GABRA1: variants seen among roughly 807,000 people sequenced by gnomAD.
GABRA1 encodes the protein gamma-aminobutyric acid type A receptor subunit alpha1.
Under a neutral mutation model 48.9 loss-of-function variants are expected in GABRA1, and 9 were observed. That is an observed-to-expected ratio of 0.18 (90% CI 0.11 to 0.32). The LOEUF is 0.32. Ranked by LOEUF, GABRA1 falls within the 10% of genes least tolerant of loss-of-function variation. The pLI is 1.00. For synonymous variants in GABRA1, 210 were observed against 198.7 expected (o/e 1.06, Z -0.48); for missense variants, 285 against 553.8 (o/e 0.51, Z 4.87).
intron 7 of GABRA1, 61 bp downstream of exon 7, chr5:161,882,762 C>T (rs1313591287): frequency 1.1e-4 from 169 of 1,478,756 alleles, no homozygotes; most frequent in Non-Finnish European, 1.6e-4. Flanking sequence ...TTTGTGAGAA[C>T]TCAATGAATC....
At chr5:161,883,512 TA>T (rs1162029607) in intron 7 of GABRA1, among the ~76,000 whole-genome samples, 1 of 152,248 alleles carries the variant, frequency 6.6e-6, no homozygotes, top group East Asian at 1.9e-4. Flanking sequence ...TAATTATAAA[TA>T]AAAACTGGAC....
At chr5:161,885,682 C>T (rs1214371027) in intron 7 of GABRA1, among the ~76,000 whole-genome samples, 1 of 152,108 alleles carries the variant, frequency 6.6e-6, no homozygotes, top group East Asian at 1.9e-4. Flanking sequence ...ACAATTCCTT[C>T]CTTGGATACT....
Position 161,873,233 on chromosome 5 carries a change from G to A in GABRA1, c.372G>A (p.Pro124=), listed in dbSNP as rs1378731581. 5.6e-6 allele frequency: 9 copies of A among 1,613,698 alleles called. No individual in the cohort carries two copies. The highest frequency in any genetic ancestry group is 5.3e-5 in the African/African-American group (4 of 74,854). ...NNLMASKIWT[P]DTFFHNGKKS... ...TAATGGCAAGTAAAATCTGGACTCC[G>A]GACACATTTTTCCACAATGGAAAGA... Residue 124 remains proline (P), a synonymous_variant, in exon 5 of 10, where the codon CCG becomes CCA. Coordinates refer to ENST00000393943, the MANE Select transcript of GABRA1 (RefSeq NM_001127644.2).
intron 2 of GABRA1, among the ~76,000 whole-genome samples, chr5:161,852,722 G>A (rs1328801494): frequency 6.6e-6 from 1 of 151,870 alleles, no homozygotes; most frequent in East Asian, 1.9e-4. Context: ...GAAATTAGGA[G>A]AATGAAAAAT....
intron 9 of GABRA1, among the ~76,000 whole-genome samples, chr5:161,896,191 A>C (rs1755360663): frequency 6.6e-6 from 1 of 152,178 alleles, no homozygotes; most frequent in Non-Finnish European, 1.5e-5. Flanking sequence ...AAACTTAGTC[A>C]AATCCTTTAT....
intron 2 of GABRA1, 39 bp downstream of exon 2, chr5:161,850,923 G>C: frequency 6.5e-7 from 1 of 1,532,582 alleles, no homozygotes; most frequent in Non-Finnish European, 9.0e-7. Context: ...GAAAATTTCT[G>C]TAACTTTTCA....
intron 2 of GABRA1, among the ~76,000 whole-genome samples, chr5:161,851,653 AT>A (rs1757450233): frequency 1.3e-5 from 2 of 152,154 alleles, no homozygotes; most frequent in Non-Finnish European, 2.9e-5. Flanking sequence ...ACATGAGTTT[AT>A]TCAAAATGTA....
intron 3 of GABRA1, among the ~76,000 whole-genome samples, chr5:161,857,054 T>TA (rs900185166): frequency 3.6e-4 from 54 of 151,350 alleles, no homozygotes; most frequent in African/African-American, 1.2e-3. Context: ...TACTTTTTTT[T>TA]ATAGGAGCCA....
At chr5:161,878,563 A>G (rs1754467268) in intron 6 of GABRA1, among the ~76,000 whole-genome samples, 4 of 152,200 alleles carry the variant, frequency 2.6e-5, no homozygotes, top group Admixed American at 2.6e-4. Flanking sequence ...CCTTATCCAT[A>G]TGGTGATAAA....
intron 8 of GABRA1, among the ~76,000 whole-genome samples, chr5:161,893,798 G>C (rs567878479): frequency 3.3e-5 from 5 of 152,122 alleles, no homozygotes; most frequent in African/African-American, 1.2e-4. Flanking sequence ...GTAAAGTAAT[G>C]CTGTTTTTTA....
rs142265617 is a variant in GABRA1 at position 161,849,112 on chromosome 5, TTTAAACTA to T, written c.-16+694_-16+701del. On this transcript the variant is annotated intron_variant, in intron 1 of 9. Coordinates refer to ENST00000393943, the MANE Select transcript of GABRA1 (RefSeq NM_001127644.2). ...GGTAAGACTGCAGCTTAGCCTTTCT[TTTAAACTA>T]TTATGTTTGTATTTGCAAGAAACTT... 527 of 358,166 alleles carry T rather than the reference TTTAAACTA, an allele frequency of 1.5e-3. 3 individuals carry two copies. The highest frequency in any genetic ancestry group is 0.01 in the African/African-American group (458 of 44,942). The allele number at this position is 358,166 out of a possible 1,614,324, so 22.2% of individuals were successfully genotyped here. A position where few individuals can be genotyped will look rare whatever the true frequency, so the allele number is the denominator to read the frequency against.
chr5:161,898,031 T>A lies in GABRA1; in HGVS notation c.*609T>A, dbSNP rs1460236315. 3.3e-5 allele frequency: 5 copies of A among 152,122 alleles called. No homozygotes were observed. The highest frequency in any genetic ancestry group is 5.9e-5 in the Non-Finnish European group (4 of 68,074). 9.4% of individuals were successfully genotyped at this position (152,122 alleles called of 1,614,324 possible). A position where few individuals can be genotyped will look rare whatever the true frequency, so the allele number is the denominator to read the frequency against. ...AATGCATTATTTTGTCATAAAATGC[T>A]ATTTTAAAATTCATGGAACTTTCAT... is the stretch of plus-strand genomic sequence containing the variant. On this transcript the variant is annotated 3_prime_UTR_variant, in exon 10 of 10. Transcript: ENST00000393943.
At chr5:161,895,543 T>G (rs1755322428) in intron 8 of GABRA1, 123 bp from the exon 9 acceptor site, 1 of 863,792 alleles carries the variant, frequency 1.2e-6, no homozygotes, top group African/African-American at 1.7e-5. Flanking sequence ...CAAAATAAGA[T>G]GGTCTAGAAA....
At chr5:161,850,176 T>C (rs1757379401) in intron 1 of GABRA1, 1 of 154,420 alleles carries the variant, frequency 6.5e-6, no homozygotes, top group Non-Finnish European at 1.4e-5. Flanking sequence ...ACAGAAACAT[T>C]AGGAAGCATG....
chr5:161,897,843 T>C lies in GABRA1; in HGVS notation c.*421T>C, dbSNP rs1398541213. On this transcript the variant is annotated 3_prime_UTR_variant, in exon 10 of 10. Coordinates refer to ENST00000393943, the MANE Select transcript of GABRA1 (RefSeq NM_001127644.2). Reference sequence around the variant, plus strand: ...TGAAGGTGTTTCAAAGGGTAAATTATAAATGTTTCATGAAGAAAAAATTTT... The same window carrying C: ...TGAAGGTGTTTCAAAGGGTAAATTACAAATGTTTCATGAAGAAAAAATTTT... 6.3e-6 allele frequency: 1 copy of C among 158,010 alleles called. No homozygotes were observed. Among genetic ancestry groups the C allele is most frequent in the East Asian group, 1.9e-4 (1 of 5,356 alleles). 9.8% of individuals were successfully genotyped at this position (158,010 alleles called of 1,614,324 possible).
At chr5:161,860,714 CA>C (rs1251214894) in intron 3 of GABRA1, among the ~76,000 whole-genome samples, 1 of 151,474 alleles carries the variant, frequency 6.6e-6, no homozygotes, top group Non-Finnish European at 1.5e-5. Context: ...GATTATGATG[CA>C]TTGCATGCTT....
intron 5 of GABRA1, among the ~76,000 whole-genome samples, chr5:161,874,281 GA>G (rs1371447239): frequency 3.3e-5 from 5 of 151,954 alleles, no homozygotes; most frequent in Admixed American, 3.3e-4. Context: ...GAAAAGAAAA[GA>G]AAAAATTCTT....
chr5:161,883,727 T>C (rs1754715580), intron 7 of GABRA1, among the ~76,000 whole-genome samples: 1 of 152,108 alleles, frequency 6.6e-6, no homozygotes, highest in Non-Finnish European at 1.5e-5. Flanking sequence ...ATTTCATGCT[T>C]TATATTGGGA....
At chr5:161,871,324 G>A (rs1561574490) in intron 4 of GABRA1, among the ~76,000 whole-genome samples, 2 of 152,086 alleles carry the variant, frequency 1.3e-5, no homozygotes, top group Non-Finnish European at 2.9e-5. Flanking sequence ...TTTGCAGGTG[G>A]CCATTCATTC....
Sources: allele counts gnomAD v4.1 joint callset (sites outside exome capture counted in the v4.1 genomes callset), GRCh38; gene constraint gnomAD v4.1.1; transcripts MANE v1.5; gene names NCBI Gene and HGNC (gene_info 2026-07-23, HGNC 2026-07-21).